Variants in NLGN4X observed in about 807,000 individuals in gnomAD.
NLGN4X encodes the protein neuroligin 4 X-linked.
In NLGN4X, 3 loss-of-function variants were observed where a neutral mutation model predicts 40.3. The observed-to-expected ratio is 0.07, with a 90% CI of 0.03 to 0.19. NLGN4X has a LOEUF of 0.19. Ranked by LOEUF, NLGN4X falls within the 10% of genes least tolerant of loss-of-function variation. The pLI is 1.00. For synonymous variants in NLGN4X, 270 were observed against 306.8 expected (o/e 0.88, Z 1.25); for missense variants, 382 against 708.3 (o/e 0.54, Z 5.23).
chrX:6,120,865 A>G (rs1300323983), intron 2 of NLGN4X, among the ~76,000 whole-genome samples: 1 of 111,766 alleles, frequency 8.9e-6, no homozygotes, highest in African/African-American at 3.3e-5. Context: ...TAAAAAATCC[A>G]CAGGTGTTTG....
chrX:6,223,932 G>T (rs1410963163), intron 1 of NLGN4X, among the ~76,000 whole-genome samples: 2 of 112,680 alleles, frequency 1.8e-5, no homozygotes, highest in Non-Finnish European at 3.8e-5. Context: ...AAGAGCAACA[G>T]ATTTAAACTA....
intron 2 of NLGN4X, among the ~76,000 whole-genome samples, chrX:6,036,269 T>C (rs1257286295): frequency 9.0e-6 from 1 of 111,596 alleles, no homozygotes; most frequent in South Asian, 3.8e-4. Flanking sequence ...AGCTTGTTAG[T>C]TGCAATAAAA....
intron 1 of NLGN4X, among the ~76,000 whole-genome samples, chrX:6,152,948 A>G (rs1262001929): frequency 1.8e-5 from 2 of 112,461 alleles, no homozygotes; most frequent in African/African-American, 6.4e-5. Flanking sequence ...CATAGATAAT[A>G]TAACTATCCC....
chrX:5,951,114 T>A (rs989557146), intron 3 of NLGN4X, among the ~76,000 whole-genome samples: 1 of 112,266 alleles, frequency 8.9e-6, no homozygotes, highest in African/African-American at 3.2e-5. Context: ...TTTTAATGAA[T>A]TTATTCTTTT....
At chrX:6,077,848 T>C (rs1273620794) in intron 2 of NLGN4X, among the ~76,000 whole-genome samples, 1 of 111,528 alleles carries the variant, frequency 9.0e-6, no homozygotes, top group Admixed American at 9.6e-5. Context: ...ATACAGGGAT[T>C]GTTCTTTGAT....
At chrX:6,200,982 G>A (rs1166367409) in intron 1 of NLGN4X, among the ~76,000 whole-genome samples, 1 of 110,819 alleles carries the variant, frequency 9.0e-6, no homozygotes, top group Admixed American at 9.7e-5. Context: ...TTACAGGCAT[G>A]AGCCACAGTG....
intron 3 of NLGN4X, among the ~76,000 whole-genome samples, chrX:5,925,355 G>C (rs1287170507): frequency 8.9e-6 from 1 of 111,774 alleles, no homozygotes; most frequent in African/African-American, 3.2e-5. Context: ...TGAAAATATT[G>C]ACACCCTCTT....
chrX:5,925,923 T>TC (rs2033294224), intron 3 of NLGN4X, among the ~76,000 whole-genome samples: 1 of 61,359 alleles, frequency 1.6e-5, no homozygotes, highest in African/African-American at 6.3e-5. Context: ...TATATATATA[T>TC]ATATATATAA....
chrX:5,957,533 G>A (rs1281718177), intron 3 of NLGN4X, among the ~76,000 whole-genome samples: 3 of 112,065 alleles, frequency 2.7e-5, no homozygotes, highest in South Asian at 3.7e-4. Context: ...ACATCTTTCA[G>A]TATCTCCATG....
At chrX:5,945,910 C>T (rs2034106963) in intron 3 of NLGN4X, among the ~76,000 whole-genome samples, 1 of 111,468 alleles carries the variant, frequency 9.0e-6, no homozygotes, top group African/African-American at 3.3e-5. Flanking sequence ...CTCTTTGCTC[C>T]AAGCTGAGGT....
intron 3 of NLGN4X, among the ~76,000 whole-genome samples, chrX:5,930,581 C>CA (rs1419535223): frequency 8.9e-6 from 1 of 112,343 alleles, no homozygotes; most frequent in African/African-American, 3.2e-5. Flanking sequence ...AAATATATTT[C>CA]AAAGCCACCA....
Position 5,903,115 on chromosome X carries a change from G to A in NLGN4X, c.1563C>T (p.Ala521=), listed in dbSNP as rs144614029. Reference sequence around the variant, plus strand: ...AGTTCGTCCAGTAGGTCATGACCACGGCGCTGAGCATGACGTCGTTCTTGG... The same window carrying A: ...AGTTCGTCCAGTAGGTCATGACCACAGCGCTGAGCATGACGTCGTTCTTGG... ...NFSKNDVMLS[A]VVMTYWTNFA... The change falls in exon 5 of 6, where the codon GCC becomes GCT. Residue 521 remains alanine (A), a synonymous_variant. Transcript: ENST00000381095. 145 of 1,210,593 alleles carry A rather than the reference G, an allele frequency of 1.2e-4. No homozygotes were observed. Among genetic ancestry groups the A allele is most frequent in the Non-Finnish European group, 1.5e-4 (137 of 895,377 alleles).
At position 5,890,477 on chromosome X, in the gene NLGN4X, T is replaced by C. The variant is rs1370022225; in HGVS notation, c.*2340A>G. Reference sequence around the variant, plus strand: ...CAAGCCTGACGCGTTACTGTACATATTGCTAGCAGGAGACAACTGGAAATA... The same window carrying C: ...CAAGCCTGACGCGTTACTGTACATACTGCTAGCAGGAGACAACTGGAAATA... On this transcript the variant is annotated 3_prime_UTR_variant, in exon 6 of 6. Transcript: ENST00000381095. 2 of 289,815 alleles carry C rather than the reference T, an allele frequency of 6.9e-6. No homozygotes were observed. Among genetic ancestry groups the C allele is most frequent in the Admixed American group, 3.8e-5 (1 of 26,335 alleles). 23.9% of individuals were successfully genotyped at this position (289,815 alleles called of 1,213,427 possible).
At chrX:6,086,641 A>T (rs1278812788) in intron 2 of NLGN4X, among the ~76,000 whole-genome samples, 2 of 111,314 alleles carry the variant, frequency 1.8e-5, no homozygotes, top group African/African-American at 6.5e-5. Context: ...TTTAAAACAA[A>T]TTTTTTTAAG....
chrX:6,199,031 A>C (rs1393130216), intron 1 of NLGN4X, among the ~76,000 whole-genome samples: 1 of 112,115 alleles, frequency 8.9e-6, no homozygotes, highest in Non-Finnish European at 1.9e-5. Flanking sequence ...AAAAAGTAGG[A>C]GGACAAATTT....
intron 2 of NLGN4X, among the ~76,000 whole-genome samples, chrX:6,044,218 G>C (rs2037254269): frequency 8.9e-6 from 1 of 111,965 alleles, no homozygotes; most frequent in Admixed American, 9.5e-5. Context: ...AGGGATTGCA[G>C]GCTGCAGTGA....
At chrX:6,064,987 T>C (rs1216781265) in intron 2 of NLGN4X, among the ~76,000 whole-genome samples, 1 of 111,455 alleles carries the variant, frequency 9.0e-6, no homozygotes, top group Non-Finnish European at 1.9e-5. Flanking sequence ...CTGGAGGCCA[T>C]TATCTTAAGA....
intron 3 of NLGN4X, among the ~76,000 whole-genome samples, chrX:5,927,818 T>C (rs866462804): frequency 8.9e-6 from 1 of 112,529 alleles, no homozygotes; most frequent in Non-Finnish European, 1.9e-5. Context: ...GTGTGCTATA[T>C]TGAGCTAAAC....
intron 3 of NLGN4X, among the ~76,000 whole-genome samples, chrX:5,924,866 AG>A (rs2033212325): frequency 9.8e-6 from 1 of 102,400 alleles, no homozygotes; most frequent in South Asian, 5.1e-4. Flanking sequence ...AAAGGGTGGG[AG>A]GGGGTTGGGG....
Sources: allele counts gnomAD v4.1 joint callset (sites outside exome capture counted in the v4.1 genomes callset), GRCh38; gene constraint gnomAD v4.1.1; transcripts MANE v1.5; gene names NCBI Gene and HGNC (gene_info 2026-07-23, HGNC 2026-07-21).